OPCML: variants seen among roughly 807,000 people sequenced by gnomAD.
OPCML encodes opioid binding protein/cell adhesion molecule like, also known as opioid-binding protein/cell adhesion molecule.
Under a neutral mutation model 37.8 loss-of-function variants are expected in OPCML, and 13 were observed. The observed-to-expected ratio is 0.34, with a 90% CI of 0.22 to 0.55. The LOEUF (loss-of-function observed/expected upper bound fraction) is 0.55, where lower values mean the gene tolerates loss of function less well. Ranked by LOEUF, OPCML falls within the 20% of genes least tolerant of loss-of-function variation. OPCML has a pLI of 0.91. For missense variants in OPCML, 341 were observed against 435.6 expected, an observed-to-expected ratio of 0.78 and a Z score of 1.93; for synonymous variants, 176 against 168.8, an observed-to-expected ratio of 1.04 and a Z score of -0.33.
rs1255718225 is a variant in OPCML, at chr11:133,205,721, G to A, written c.62-262711C>T. Among the ~76,000 whole-genome samples the A allele has an allele frequency of 6.6e-6, 1 of 152,074 alleles. No homozygotes were observed. On this transcript the variant is annotated intron_variant, in intron 1 of 7. Coordinates refer to ENST00000524381, the MANE Select transcript of OPCML (RefSeq NM_001012393.5). The surrounding 1 kb of genome is among the most constrained non-coding windows in gnomAD (Gnocchi z 4.8). ...AAAACATTTAGTATTTTTTTTCCTT[G>A]TCTTTAAGAATTATCCTGGATGAGT...
intron 1 of OPCML, among the ~76,000 whole-genome samples, chr11:133,040,806 G>A (rs897066803): frequency 6.6e-6 from 1 of 152,164 alleles, no homozygotes; most frequent in Non-Finnish European, 1.5e-5. Context: ...AATACCACCA[G>A]GATGGGAGAA....
intron 3 of OPCML, among the ~76,000 whole-genome samples, chr11:132,593,784 C>G (rs1218822717): frequency 1.3e-5 from 2 of 152,124 alleles, no homozygotes; most frequent in Non-Finnish European, 2.9e-5. Context: ...ATGGTTACAA[C>G]AAGCAATTAA....
intron 2 of OPCML, among the ~76,000 whole-genome samples, chr11:132,764,811 G>A (rs1242581844): frequency 6.6e-6 from 1 of 152,202 alleles, no homozygotes; most frequent in Non-Finnish European, 1.5e-5. Flanking sequence ...CCTTTCCTCA[G>A]GCTCCATGTA....
At chr11:132,602,794 T>C (rs1177920336) in intron 3 of OPCML, among the ~76,000 whole-genome samples, 1 of 152,190 alleles carries the variant, frequency 6.6e-6, no homozygotes, top group African/African-American at 2.4e-5. Flanking sequence ...TCCCTTGAGG[T>C]CCAGCAATGC....
chr11:132,902,989 C>T (rs773276058), intron 2 of OPCML, among the ~76,000 whole-genome samples: 2 of 152,138 alleles, frequency 1.3e-5, no homozygotes, highest in East Asian at 3.9e-4. Context: ...CCCAGAGGAA[C>T]TTTGCTCTAG....
chr11:132,599,627 G>T (rs1338939796), intron 3 of OPCML, among the ~76,000 whole-genome samples: 1 of 152,118 alleles, frequency 6.6e-6, no homozygotes, highest in Non-Finnish European at 1.5e-5. Flanking sequence ...CAAAAGGTCA[G>T]TGCAGAAGAA....
intron 1 of OPCML, among the ~76,000 whole-genome samples, chr11:133,440,801 T>C (rs1305415690): frequency 8.4e-6 from 1 of 118,946 alleles, no homozygotes; most frequent in East Asian, 2.1e-4. Context: ...TGTGTGTGTG[T>C]GAGTGTGTAT....
intron 3 of OPCML, among the ~76,000 whole-genome samples, chr11:132,655,148 G>T (rs1232836240): frequency 6.6e-6 from 1 of 152,236 alleles, no homozygotes; most frequent in Non-Finnish European, 1.5e-5. Context: ...TCTTGAAAAG[G>T]GATAGGCTTG....
intron 1 of OPCML, among the ~76,000 whole-genome samples, chr11:133,056,112 C>A (rs77982710): frequency 0.054 from 8,258 of 152,288 alleles, 326 homozygotes; most frequent in Non-Finnish European, 0.086. Context: ...GCCCAGTTAT[C>A]ATGGATTGGG....
intron 2 of OPCML, among the ~76,000 whole-genome samples, chr11:132,737,431 T>C (rs1945295908): frequency 6.6e-6 from 1 of 152,188 alleles, no homozygotes; most frequent in South Asian, 2.1e-4. Context: ...ATCTTGTATG[T>C]GCTAATATTT....
chr11:133,418,338 C>T (rs1486365915), intron 1 of OPCML: 1 of 985,202 alleles, frequency 1.0e-6, no homozygotes, highest in African/African-American at 1.7e-5. Context: ...TTGATGATGT[C>T]TGCATTCAAT....
rs1228815331 is a variant in OPCML at position 132,817,754 on chromosome 11, C to A, written c.146+125172G>T. On this transcript the variant is annotated intron_variant, in intron 2 of 7. Coordinates refer to ENST00000524381, the MANE Select transcript of OPCML (RefSeq NM_001012393.5). ...CTGTAATGAGTGCCTTGTAACTGCC[C>A]CCCTCCCCCGCCAAAAAAAAAATGT... Among the ~76,000 whole-genome samples, 8 of 151,464 alleles carry A rather than the reference C, an allele frequency of 5.3e-5. No individual in the cohort carries two copies. In the East Asian group the frequency reaches 1.2e-3, roughly 22 times the overall value.
At chr11:132,422,362 A>G (rs763809125) in intron 7 of OPCML, among the ~76,000 whole-genome samples, 1 of 152,220 alleles carries the variant, frequency 6.6e-6, no homozygotes, top group Non-Finnish European at 1.5e-5. Context: ...AGTGGGGCTC[A>G]GAGAGAGAAG....
At chr11:133,054,231 C>G (rs1301136590) in intron 1 of OPCML, among the ~76,000 whole-genome samples, 1 of 152,184 alleles carries the variant, frequency 6.6e-6, no homozygotes, top group African/African-American at 2.4e-5. Flanking sequence ...ATTGACAGAT[C>G]AGCTCATACT....
At chr11:133,329,586 GA>G (rs1943568847) in intron 1 of OPCML, among the ~76,000 whole-genome samples, 1 of 152,172 alleles carries the variant, frequency 6.6e-6, no homozygotes. Context: ...AATGAATGGG[GA>G]AAGGATTACC....
At chr11:133,216,813 C>A (rs1321974738) in intron 1 of OPCML, among the ~76,000 whole-genome samples, 1 of 151,876 alleles carries the variant, frequency 6.6e-6, no homozygotes, top group East Asian at 1.9e-4. Flanking sequence ...TATACTTAAG[C>A]CTTTTTATTG....
chr11:132,415,121 G>T lies in OPCML; in HGVS notation c.*5072C>A, dbSNP rs2095934154. The stretch of plus-strand genomic sequence containing the variant: ...TTCACCCTTGATACAATTATTGACA[G>T]AAATCAAGTCTTCATTGATTTTTTG... On this transcript the variant is annotated 3_prime_UTR_variant, in exon 8 of 8. Transcript: ENST00000524381. 1 of 152,224 alleles carries T rather than the reference G, an allele frequency of 6.6e-6. No individual in the cohort carries two copies. The highest frequency in any genetic ancestry group is 2.1e-4 in the South Asian group (1 of 4,808). 9.4% of individuals were successfully genotyped at this position (152,224 alleles called of 1,614,324 possible). A position where few individuals can be genotyped will look rare whatever the true frequency, so the allele number is the denominator to read the frequency against.
chr11:133,497,329 T>C (rs138447532), intron 1 of OPCML, among the ~76,000 whole-genome samples: 28 of 152,304 alleles, frequency 1.8e-4, no homozygotes, highest in African/African-American at 6.5e-4. Flanking sequence ...GCATTTTGCA[T>C]TTCTAAAAGT....
chr11:133,530,476 C>A (rs1948582958), intron 1 of OPCML, among the ~76,000 whole-genome samples: 1 of 152,216 alleles, frequency 6.6e-6, no homozygotes, highest in Admixed American at 6.5e-5. Context: ...AGGAGGCCCC[C>A]CGGAGCTGCC....
Sources: gnomAD v4.1 joint callset for allele counts (sites outside exome capture counted in the v4.1 genomes callset) on GRCh38, gnomAD v4.1.1 for gene constraint, Gnocchi (gnomAD v3.1) non-coding constraint, MANE v1.5 for transcripts, NCBI Gene and HGNC (gene_info 2026-07-23, HGNC 2026-07-21) for gene names.